ANKFN1: variants seen among roughly 807,000 people sequenced by gnomAD.
ANKFN1 encodes the protein ankyrin repeat and fibronectin type-III domain-containing protein 1.
ANKFN1 carries 74 observed loss-of-function variants against 108.7 expected under a neutral mutation model. The observed-to-expected ratio is 0.68, with a 90% CI of 0.56 to 0.83. The LOEUF (loss-of-function observed/expected upper bound fraction) is 0.83. Among genes scored for constraint, ANKFN1 ranks in the 40% least tolerant of loss-of-function variants. The pLI is 0.00. For synonymous variants in ANKFN1, 547 were observed against 516.2 expected (o/e 1.06, Z -0.81); for missense variants, 1,505 against 1,382.3 (o/e 1.09, Z -1.41).
chr17:56,164,215 C>T (rs1909943526), intron 1 of ANKFN1, among the ~76,000 whole-genome samples: 1 of 151,632 alleles, frequency 6.6e-6, no homozygotes, highest in African/African-American at 2.4e-5. Context: ...CCAGAAAGAC[C>T]TCCGTTGCAT....
intron 8 of ANKFN1, among the ~76,000 whole-genome samples, chr17:56,378,319 T>G (rs1177727795): frequency 6.6e-6 from 1 of 152,136 alleles, no homozygotes; most frequent in Admixed American, 6.5e-5. Flanking sequence ...TTTATAATAA[T>G]AATAGTGTGA....
chr17:56,108,433 A>G (rs2143241250), intron 4 of ANKFN1, among the ~76,000 whole-genome samples: 1 of 152,264 alleles, frequency 6.6e-6, no homozygotes, highest in South Asian at 2.1e-4. Flanking sequence ...GCATTCCTTC[A>G]CCAGAAACTT....
chr17:56,195,114 C>G (rs1418701150), intron 1 of ANKFN1, among the ~76,000 whole-genome samples: 1 of 152,196 alleles, frequency 6.6e-6, no homozygotes, highest in East Asian at 1.9e-4. Context: ...CCTATTTGAA[C>G]AGTTCACCCT....
At chr17:56,231,135 C>CGT (rs1916703212) in intron 3 of ANKFN1, among the ~76,000 whole-genome samples, 1 of 152,086 alleles carries the variant, frequency 6.6e-6, no homozygotes, top group African/African-American at 2.4e-5. Flanking sequence ...GTTTGGGTTA[C>CGT]AATGTCAATC....
chr17:56,060,489 G>A (rs1248560364), intron 4 of ANKFN1, among the ~76,000 whole-genome samples: 2 of 152,122 alleles, frequency 1.3e-5, no homozygotes, highest in Admixed American at 6.5e-5. Flanking sequence ...TGGCGAGAGA[G>A]GGGATCCTTT....
chr17:56,189,761 T>A (rs979714015), intron 1 of ANKFN1, among the ~76,000 whole-genome samples: 1 of 152,206 alleles, frequency 6.6e-6, no homozygotes, highest in Admixed American at 6.5e-5. Context: ...GAGGGGGCTA[T>A]GATTCAGCCT....
chr17:56,371,338 G>A (rs73991482), intron 6 of ANKFN1, among the ~76,000 whole-genome samples: 2,830 of 152,230 alleles, frequency 0.019, 88 homozygotes, highest in African/African-American at 0.064. Context: ...AATTTAGACC[G>A]ATGGTGCACA....
chr17:56,303,882 G>A (rs1174603728), intron 3 of ANKFN1, among the ~76,000 whole-genome samples: 2 of 128,948 alleles, frequency 1.6e-5, no homozygotes, highest in Non-Finnish European at 3.2e-5. Flanking sequence ...AATTTTAGTA[G>A]AGACAGGGTT....
At chr17:56,126,991 CAA>C (rs1466756587) in intron 4 of ANKFN1, among the ~76,000 whole-genome samples, 1 of 152,126 alleles carries the variant, frequency 6.6e-6, no homozygotes, top group Non-Finnish European at 1.5e-5. Flanking sequence ...CATAAATGCT[CAA>C]AAAGAGTAGC....
chr17:56,511,171 G>A lies in ANKFN1; in HGVS notation c.3343G>A (p.Gly1115Arg), dbSNP rs2051754968. 1 of 1,536,074 alleles carries A rather than the reference G, an allele frequency of 6.5e-7. No individual in the cohort carries two copies. The change falls in exon 21 of 21, where the codon GGA becomes AGA. Residue 1115 changes from glycine to arginine, a missense_variant. Gly to Arg is a moderately radical substitution (Grantham distance 125). Transcript: ENST00000682825. ...KPWASLSPPS[G>R]GRITLPSPTG... is the part of the protein sequence containing the mutation. ...ATGGGCAAGCTTGAGCCCGCCCTCT[G>A]GAGGCCGCATCACCCTGCCCAGCCC...
intron 6 of ANKFN1, among the ~76,000 whole-genome samples, chr17:56,355,597 A>G (rs2046355896): frequency 6.6e-6 from 1 of 152,170 alleles, no homozygotes; most frequent in Non-Finnish European, 1.5e-5. Context: ...GGTAAATGAC[A>G]TATTCTGATT....
At chr17:56,140,130 T>C (rs9896667) in intron 4 of ANKFN1, among the ~76,000 whole-genome samples, 52,068 of 152,148 alleles carry the variant, frequency 0.34, 9,676 homozygotes, top group East Asian at 0.53. Flanking sequence ...TACTGATCTT[T>C]CTAGAACTCC....
intron 1 of ANKFN1, among the ~76,000 whole-genome samples, chr17:56,173,312 G>T (rs1285744938): frequency 1.3e-5 from 2 of 152,114 alleles, no homozygotes; most frequent in African/African-American, 4.8e-5. Flanking sequence ...TGCATAGAAT[G>T]TATTTCCCCA....
chr17:56,060,872 G>A (rs2143107481), intron 4 of ANKFN1, among the ~76,000 whole-genome samples: 1 of 152,342 alleles, frequency 6.6e-6, no homozygotes, highest in South Asian at 2.1e-4. Flanking sequence ...GTTCAACAGG[G>A]ATATTGGCCT....
chr17:56,301,469 T>C (rs2044668635), intron 3 of ANKFN1, among the ~76,000 whole-genome samples: 1 of 152,232 alleles, frequency 6.6e-6, no homozygotes, highest in Non-Finnish European at 1.5e-5. Context: ...CCATTTTCAC[T>C]ACACAGCATC....
At chr17:56,236,527 T>C (rs1346116146) in intron 3 of ANKFN1, among the ~76,000 whole-genome samples, 1 of 152,212 alleles carries the variant, frequency 6.6e-6, no homozygotes. Flanking sequence ...CTAGTGGTTT[T>C]TGAACATAAT....
chr17:56,338,738 T>A (rs2045883032), intron 4 of ANKFN1, among the ~76,000 whole-genome samples: 1 of 152,060 alleles, frequency 6.6e-6, no homozygotes, highest in Non-Finnish European at 1.5e-5. Flanking sequence ...TGATGTATTA[T>A]TCAAGATCCC....
At chr17:56,189,170 CTTT>C (rs532063852) in intron 1 of ANKFN1, among the ~76,000 whole-genome samples, 9 of 85,262 alleles carry the variant, frequency 1.1e-4, no homozygotes, top group East Asian at 5.0e-4. Context: ...GTTGCCCTGA[CTTT>C]TTTTTTTTTT....
chr17:56,194,089 T>G (rs1913266019), intron 1 of ANKFN1, among the ~76,000 whole-genome samples: 1 of 151,658 alleles, frequency 6.6e-6, no homozygotes, highest in Non-Finnish European at 1.5e-5. Context: ...GTACACCTAT[T>G]TAGAATGGCC....
Sources: allele counts gnomAD v4.1 joint callset (sites outside exome capture counted in the v4.1 genomes callset), GRCh38; gene constraint gnomAD v4.1.1; transcripts MANE v1.5; gene names NCBI Gene and HGNC (gene_info 2026-07-23, HGNC 2026-07-21).